Variants in GALNT8 observed in about 807,000 individuals in gnomAD.
The protein encoded by GALNT8 is polypeptide N-acetylgalactosaminyltransferase 8.
GALNT8 carries 66 observed loss-of-function variants against 62.7 expected under a neutral mutation model. The observed-to-expected ratio is 1.05, with a 90% CI of 0.86 to 1.29. The LOEUF is 1.29. GALNT8 is among the 50% of genes most tolerant of loss of function. The pLI is 0.00. For missense variants in GALNT8, 771 were observed against 791.8 expected, an observed-to-expected ratio of 0.97 and a Z score of 0.32; for synonymous variants, 288 against 294.3, an observed-to-expected ratio of 0.98 and a Z score of 0.22.
intron 2 of GALNT8, among the ~76,000 whole-genome samples, chr12:4,727,291 GT>G (rs72047414): frequency 0.036 from 5,343 of 147,798 alleles, 196 homozygotes; most frequent in South Asian, 0.16. Context: ...CTTTGCTATT[GT>G]TTTTTTTTTC....
At chr12:4,739,643 C>A (rs1203880097) in intron 3 of GALNT8, among the ~76,000 whole-genome samples, 12 of 151,218 alleles carry the variant, frequency 7.9e-5, no homozygotes, top group African/African-American at 2.9e-4. Flanking sequence ...CTACCTGTAC[C>A]TCTTTTTTTT....
At position 4,739,319 on chromosome 12, in the gene GALNT8, C is replaced by T. The variant is rs758790352; in HGVS notation, c.666C>T (p.Phe222=). Reference sequence around the variant, plus strand: ...AGGAAATCATCTTGGTGGATGATTTCAGCTCAAATGGTGAGCAACGTGATC... The same window carrying T: ...AGGAAATCATCTTGGTGGATGATTTTAGCTCAAATGGTGAGCAACGTGATC... ...LLKEIILVDD[F]SSNGELKVHL... The change falls in exon 3 of 11, where the codon TTC becomes TTT. Residue 222 remains phenylalanine, a synonymous_variant. Coordinates refer to ENST00000252318, the MANE Select transcript of GALNT8 (RefSeq NM_017417.2). The T allele has an allele frequency of 4.3e-6, 7 of 1,612,832 alleles. No homozygotes were observed. The African/African-American group carries it at 8.0e-5, about 18-fold the overall frequency.
At chr12:4,724,517 G>T (rs1435748290) in intron 1 of GALNT8, among the ~76,000 whole-genome samples, 1 of 152,242 alleles carries the variant, frequency 6.6e-6, no homozygotes, top group Non-Finnish European at 1.5e-5. Flanking sequence ...CCCCAAGGAA[G>T]AACGCAGAGG....
At chr12:4,733,414 A>G (rs1946229398) in intron 2 of GALNT8, among the ~76,000 whole-genome samples, 1 of 152,186 alleles carries the variant, frequency 6.6e-6, no homozygotes, top group Non-Finnish European at 1.5e-5. Flanking sequence ...AAATGTGGGT[A>G]CGGATAAGAG....
intron 7 of GALNT8, 148 bp downstream of exon 7, chr12:4,761,291 AT>A (rs1290791052): frequency 1.6e-6 from 1 of 640,688 alleles, no homozygotes; most frequent in African/African-American, 1.8e-5. Context: ...GGCTCTTAAC[AT>A]TTATGTAACA....
Position 4,726,506 on chromosome 12 carries a change from C to G in GALNT8, c.212-26C>G. ...AAGGAGGGGCTGAAATGTTTTCTCTCCCACCCCTGTCCTCTTCATTTGCAG... is the reference window on the plus strand; with the variant it reads ...AAGGAGGGGCTGAAATGTTTTCTCTGCCACCCCTGTCCTCTTCATTTGCAG... On this transcript the variant is annotated intron_variant, in intron 1 of 10. Coordinates refer to ENST00000252318, the MANE Select transcript of GALNT8 (RefSeq NM_017417.2). The surrounding 1 kb of genome is among the most constrained non-coding windows in gnomAD (Gnocchi z 4.1). 6.4e-7 allele frequency: 1 copy of G among 1,566,864 alleles called. No individual in the cohort carries two copies. The highest frequency in any genetic ancestry group is 1.2e-5 in the South Asian group (1 of 85,180).
chr12:4,735,125 A>G, intron 2 of GALNT8, among the ~76,000 whole-genome samples: 1 of 152,204 alleles, frequency 6.6e-6, no homozygotes, highest in East Asian at 1.9e-4. Flanking sequence ...TGAAGTTTTT[A>G]AAAAATGTGT....
intron 3 of GALNT8, among the ~76,000 whole-genome samples, chr12:4,741,300 A>G (rs964221429): frequency 6.6e-6 from 1 of 152,144 alleles, no homozygotes; most frequent in Admixed American, 6.5e-5. Context: ...AGAAGGTACA[A>G]TTTTTAGAGC....
chr12:4,735,987 G>A (rs1364649039), intron 2 of GALNT8, among the ~76,000 whole-genome samples: 5 of 152,194 alleles, frequency 3.3e-5, no homozygotes, highest in Non-Finnish European at 7.3e-5. Flanking sequence ...TAAAGAGTAT[G>A]CTCATAGCTC....
chr12:4,744,996 T>A lies in GALNT8; in HGVS notation c.860+296T>A, dbSNP rs149435904. On this transcript the variant is annotated intron_variant, in intron 4 of 10. Coordinates refer to ENST00000252318, the MANE Select transcript of GALNT8 (RefSeq NM_017417.2). The stretch of plus-strand genomic sequence containing the variant: ...TCTTTAACTGTAAAGATGAGGAGAT[T>A]AGCCTTTGGTTATTTTAAAGGTTTT... 3.3e-5 allele frequency among the ~76,000 whole-genome samples: 5 copies of A among 152,296 alleles called. No homozygotes were observed. In the East Asian group the frequency reaches 9.7e-4, roughly 29 times the overall value.
chr12:4,762,581 T>C (rs1946377882), intron 7 of GALNT8, among the ~76,000 whole-genome samples: 1 of 152,234 alleles, frequency 6.6e-6, no homozygotes, highest in African/African-American at 2.4e-5. Context: ...CGTAAGCTTA[T>C]GAGGAGAAAT....
At chr12:4,734,713 CT>C (rs1436182945) in intron 2 of GALNT8, among the ~76,000 whole-genome samples, 2 of 131,948 alleles carry the variant, frequency 1.5e-5, no homozygotes, top group Non-Finnish European at 3.5e-5. Flanking sequence ...GCTTAAAACC[CT>C]TTAGTCCCTC....
chr12:4,739,923 T>C (rs1946264215), intron 3 of GALNT8, among the ~76,000 whole-genome samples: 1 of 152,152 alleles, frequency 6.6e-6, no homozygotes. Context: ...CGCCTCGGCC[T>C]CTGAAAGTGC....
chr12:4,746,366 G>T, intron 6 of GALNT8, 108 bp downstream of exon 6: 5 of 717,466 alleles, frequency 7.0e-6, no homozygotes, highest in Non-Finnish European at 7.5e-6. Flanking sequence ...TTGGCTCAAA[G>T]GTGGATACAT....
chr12:4,758,672 GAGAGAT>G lies in GALNT8; in HGVS notation c.1174-2285_1174-2280del, dbSNP rs1174564873. The stretch of plus-strand genomic sequence containing the variant: ...AGAGAGAGAGAGAGAGAGAGAGAGA[GAGAGAT>G]GATGGAAGGAATTTGGCAAGTGGGA... On this transcript the variant is annotated intron_variant, in intron 6 of 10. Transcript: ENST00000252318. 2.0e-3 allele frequency among the ~76,000 whole-genome samples: 269 copies of G among 137,678 alleles called. 1 individual carries two copies. Among genetic ancestry groups the G allele is most frequent in the Non-Finnish European group, 3.4e-3 (203 of 60,334 alleles). 90.3% of individuals were successfully genotyped at this position (137,678 alleles called of 152,430 possible).
At chr12:4,729,883 T>C (rs1177184172) in intron 2 of GALNT8, among the ~76,000 whole-genome samples, 2 of 152,180 alleles carry the variant, frequency 1.3e-5, no homozygotes, top group African/African-American at 4.8e-5. Context: ...TTATCGTCAA[T>C]ACTTGTTATC....
intron 6 of GALNT8, among the ~76,000 whole-genome samples, chr12:4,760,035 A>G (rs550433158): frequency 2.6e-5 from 4 of 152,352 alleles, no homozygotes; most frequent in African/African-American, 9.6e-5. Context: ...ATTGCTGTAT[A>G]ACGATGTTAT....
intron 6 of GALNT8, among the ~76,000 whole-genome samples, chr12:4,747,979 A>G (rs956901625): frequency 6.6e-6 from 1 of 152,148 alleles, no homozygotes; most frequent in Non-Finnish European, 1.5e-5. Flanking sequence ...AGTGATGTTG[A>G]GTATCTTTTC....
intron 6 of GALNT8, among the ~76,000 whole-genome samples, chr12:4,754,681 G>A (rs974564269): frequency 6.6e-6 from 1 of 151,904 alleles, no homozygotes; most frequent in African/African-American, 2.4e-5. Context: ...ACTGCTTGGT[G>A]CTCTACCCAC....
Sources: allele counts gnomAD v4.1 joint callset (sites outside exome capture counted in the v4.1 genomes callset), GRCh38; gene constraint gnomAD v4.1.1; non-coding constraint Gnocchi (gnomAD v3.1); transcripts MANE v1.5; gene names NCBI Gene and HGNC (gene_info 2026-07-23, HGNC 2026-07-21).